The following CDYL variants were observed in gnomAD, a reference collection of about 807,000 sequenced individuals.
CDYL encodes the protein chromodomain Y-like protein.
Under a neutral mutation model 47.3 loss-of-function variants are expected in CDYL, and 8 were observed. The ratio of observed to expected loss-of-function variants is 0.17; its 90% CI spans 0.10 to 0.31. CDYL has a LOEUF of 0.31. CDYL is among the 10% of genes least tolerant of loss of function. The pLI is 1.00. For synonymous variants in CDYL, 266 were observed against 265.0 expected (o/e 1.00, Z -0.04); for missense variants, 471 against 701.4 (o/e 0.67, Z 3.71).
chr6:4,767,508 G>A (rs1758273761), intron 3 of CDYL, among the ~76,000 whole-genome samples: 1 of 151,928 alleles, frequency 6.6e-6, no homozygotes, highest in Admixed American at 6.6e-5. Flanking sequence ...AGGAGGTGGA[G>A]GTTGCAGTGA....
At chr6:4,787,668 A>G (rs1292557965) in intron 1 of CDYL, among the ~76,000 whole-genome samples, 3 of 151,906 alleles carry the variant, frequency 2.0e-5, no homozygotes, top group East Asian at 1.9e-4. Context: ...CTTCATGGCA[A>G]CGCTGCCCCC....
intron 4 of CDYL, among the ~76,000 whole-genome samples, chr6:4,938,187 C>G (rs1245327855): frequency 6.6e-6 from 1 of 151,910 alleles, no homozygotes; most frequent in Non-Finnish European, 1.5e-5. Flanking sequence ...GATGAGATAG[C>G]TCCGTAACAC....
chr6:4,805,466 C>T (rs1461239251), intron 1 of CDYL, among the ~76,000 whole-genome samples: 1 of 152,160 alleles, frequency 6.6e-6, no homozygotes, highest in Non-Finnish European at 1.5e-5. Flanking sequence ...GAAACGAACC[C>T]ATAGGTTAGA....
intron 2 of CDYL, among the ~76,000 whole-genome samples, chr6:4,728,099 T>G (rs1757545957): frequency 6.6e-6 from 1 of 152,204 alleles, no homozygotes; most frequent in African/African-American, 2.4e-5. Flanking sequence ...TTTTCCTTTT[T>G]AAGGACTCTT....
intron 1 of CDYL, among the ~76,000 whole-genome samples, chr6:4,786,159 G>A (rs965724125): frequency 7.2e-5 from 11 of 152,210 alleles, no homozygotes. Flanking sequence ...AGGTGGAGGT[G>A]GGAGGGAGGA....
chr6:4,900,853 G>A (rs1259039156), intron 2 of CDYL, among the ~76,000 whole-genome samples: 23 of 113,726 alleles, frequency 2.0e-4, no homozygotes, highest in South Asian at 2.9e-4. Flanking sequence ...TCTTTTGGGT[G>A]GTTTAACTTC....
rs71547276 is a variant in CDYL at position 4,937,512 on chromosome 6, A to T, written c.949-53A>T. ...CTCTCTCCAAAAAAAAAAATGCTTT[A>T]AGATTTTAAACCCAAAATATTCTTT... On this transcript the variant is annotated intron_variant, in intron 3 of 6. Coordinates refer to ENST00000397588, the MANE Select transcript of CDYL (RefSeq NM_004824.4). 8.1e-5 allele frequency: 112 copies of T among 1,391,018 alleles called. 11 individuals are homozygous for T. The highest frequency in any genetic ancestry group is 2.1e-4 in the Admixed American group (7 of 32,922). The allele number at this position is 1,391,018 out of a possible 1,614,324, so 86.2% of individuals were successfully genotyped here. A position where few individuals can be genotyped will look rare whatever the true frequency, so the allele number is the denominator to read the frequency against.
At chr6:4,753,242 T>C (rs1323505192) in intron 3 of CDYL, among the ~76,000 whole-genome samples, 5 of 152,122 alleles carry the variant, frequency 3.3e-5, no homozygotes, top group Admixed American at 3.3e-4. Context: ...TCTTTATTGT[T>C]TTAAGCTGAA....
intron 1 of CDYL, among the ~76,000 whole-genome samples, chr6:4,780,782 C>T (rs1758597676): frequency 6.6e-6 from 1 of 152,148 alleles, no homozygotes; most frequent in South Asian, 2.1e-4. Context: ...CCTGTTTTCC[C>T]TTCCTCAAGA....
At chr6:4,728,101 AG>A (rs1757546034) in intron 2 of CDYL, among the ~76,000 whole-genome samples, 1 of 152,152 alleles carries the variant, frequency 6.6e-6, no homozygotes, top group South Asian at 2.1e-4. Context: ...TTCCTTTTTA[AG>A]GACTCTTTCT....
At chr6:4,731,949 T>G (rs1757612938) in intron 2 of CDYL, among the ~76,000 whole-genome samples, 1 of 151,944 alleles carries the variant, frequency 6.6e-6, no homozygotes, top group Non-Finnish European at 1.5e-5. Flanking sequence ...TTACATGAGG[T>G]CATTTTATTT....
chr6:4,834,979 A>AT (rs1167528571), intron 1 of CDYL, among the ~76,000 whole-genome samples: 1 of 151,766 alleles, frequency 6.6e-6, no homozygotes, highest in African/African-American at 2.4e-5. Flanking sequence ...ATTCGTCTAA[A>AT]TTTTTTTTGA....
At position 4,887,876 on chromosome 6, in the gene CDYL, T is replaced by C. The variant is rs956457963; in HGVS notation, c.25-3837T>C. Among the ~76,000 whole-genome samples the C allele has an allele frequency of 7.3e-5, 11 of 151,588 alleles. No homozygotes were observed. The South Asian group carries it at 2.3e-3, about 31-fold the overall frequency. Reference sequence around the variant, plus strand: ...GAAGTTCCCTCTATTTCTAGTTTACTGACTTCTTTTTTTTTTTTTTAATCA... The same window carrying C: ...GAAGTTCCCTCTATTTCTAGTTTACCGACTTCTTTTTTTTTTTTTTAATCA... On this transcript the variant is annotated intron_variant, in intron 1 of 6. Coordinates refer to ENST00000397588, the MANE Select transcript of CDYL (RefSeq NM_004824.4).
intron 1 of CDYL, among the ~76,000 whole-genome samples, chr6:4,835,381 C>T (rs1450490902): frequency 1.3e-5 from 2 of 152,178 alleles, no homozygotes; most frequent in South Asian, 2.1e-4. Flanking sequence ...GTCTGCAGAA[C>T]AGTGGTTTAT....
intron 2 of CDYL, among the ~76,000 whole-genome samples, chr6:4,902,165 A>C (rs1468171615): frequency 1.3e-5 from 2 of 152,132 alleles, no homozygotes; most frequent in African/African-American, 4.8e-5. Context: ...TTGGGAGGCC[A>C]AGGTGAGTGG....
intron 1 of CDYL, among the ~76,000 whole-genome samples, chr6:4,783,227 A>T (rs1267119075): frequency 6.8e-6 from 1 of 147,786 alleles, no homozygotes; most frequent in Non-Finnish European, 1.5e-5. Flanking sequence ...TTAGTGAGGG[A>T]CTATGGATGG....
In CDYL at chr6:4,954,196, C is replaced by G; in HGVS notation, c.*140C>G. 4.0e-6 allele frequency: 3 copies of G among 758,368 alleles called. No individual in the cohort carries two copies. Among genetic ancestry groups the G allele is most frequent in the Non-Finnish European group, 6.0e-6 (3 of 497,074 alleles). 47.0% of individuals were successfully genotyped at this position (758,368 alleles called of 1,614,324 possible). A position where few individuals can be genotyped will look rare whatever the true frequency, so the allele number is the denominator to read the frequency against. The stretch of plus-strand genomic sequence containing the variant: ...TTGGAAGCAGGACTGGGAACATCCA[C>G]GCTATTTATTATCGAGGAGTTTTAA... On this transcript the variant is annotated 3_prime_UTR_variant, in exon 7 of 7. Coordinates refer to ENST00000397588, the MANE Select transcript of CDYL (RefSeq NM_004824.4).
In CDYL at chr6:4,789,479, T is replaced by C. The variant is rs1476518554; in HGVS notation, c.24+12672T>C. The stretch of plus-strand genomic sequence containing the variant: ...TGGGCCGGTTTTATTTCTGTTTCCC[T>C]GGCCCTGGCAGCCTCCCCGCCCTAG... On this transcript the variant is annotated intron_variant, in intron 1 of 6. Transcript: ENST00000397588. 3.3e-5 allele frequency among the ~76,000 whole-genome samples: 5 copies of C among 152,168 alleles called. No homozygotes were observed. The East Asian group carries it at 9.6e-4, about 29-fold the overall frequency.
intron 1 of CDYL, among the ~76,000 whole-genome samples, chr6:4,805,842 A>G (rs183389828): frequency 6.6e-5 from 10 of 152,312 alleles, no homozygotes; most frequent in Admixed American, 4.6e-4. Flanking sequence ...ACTGATTCAA[A>G]TGCCAGTGTC....
Sources: allele counts gnomAD v4.1 joint callset (sites outside exome capture counted in the v4.1 genomes callset), GRCh38; gene constraint gnomAD v4.1.1; transcripts MANE v1.5; gene names NCBI Gene and HGNC (gene_info 2026-07-23, HGNC 2026-07-21).